Variants in PGRMC2 observed in about 807,000 individuals in gnomAD.
PGRMC2 encodes the protein progesterone receptor membrane component 2.
In PGRMC2, 9 loss-of-function variants were observed where a neutral mutation model predicts 19.3. The observed-to-expected ratio is 0.47, with a 90% CI of 0.28 to 0.81. The LOEUF is 0.81. Ranked by LOEUF, PGRMC2 falls within the 40% of genes least tolerant of loss-of-function variation. The pLI is 0.11. For synonymous variants in PGRMC2, 157 were observed against 124.6 expected, an observed-to-expected ratio of 1.26 and a Z score of -1.73; for missense variants, 289 against 297.3, an observed-to-expected ratio of 0.97 and a Z score of 0.21.
intron 1 of PGRMC2, among the ~76,000 whole-genome samples, chr4:128,283,646 A>C (rs1388512853): frequency 7.2e-6 from 1 of 139,382 alleles, no homozygotes; most frequent in Non-Finnish European, 1.5e-5. Context: ...GTATAACATA[A>C]AGCCATAAAA....
rs187998620 is a variant in PGRMC2, at chr4:128,271,829, G to A, written c.575-416C>T. Among the ~76,000 whole-genome samples the A allele has an allele frequency of 3.3e-5, 5 of 152,328 alleles. No individual in the cohort carries two copies. The East Asian group carries it at 7.7e-4, about 24-fold the overall frequency. ...CACAAGTGGTAAAAACTGATGTTAT[G>A]AGGGCATAAGAAAGGGGAAAGATAT... is the stretch of plus-strand genomic sequence containing the variant. On this transcript the variant is annotated intron_variant, in intron 2 of 2. Coordinates refer to ENST00000296425, the MANE Select transcript of PGRMC2 (RefSeq NM_006320.6).
intron 1 of PGRMC2, among the ~76,000 whole-genome samples, chr4:128,275,956 C>G (rs1760805566): frequency 1.3e-5 from 2 of 152,110 alleles, no homozygotes; most frequent in Admixed American, 6.5e-5. Flanking sequence ...GAACTCCTGG[C>G]CTCAAGCAAT....
At chr4:128,271,597 A>G (rs2110557427) in intron 2 of PGRMC2, among the ~76,000 whole-genome samples, 184 bp from the exon 3 acceptor site, 1 of 152,350 alleles carries the variant, frequency 6.6e-6, no homozygotes, top group Middle Eastern at 3.4e-3. Context: ...TGAACAAAAG[A>G]AAACAGGATT....
intron 1 of PGRMC2, among the ~76,000 whole-genome samples, chr4:128,285,463 G>A (rs1405158287): frequency 6.6e-6 from 1 of 152,170 alleles, no homozygotes; most frequent in African/African-American, 2.4e-5. Context: ...ACAAACGTTT[G>A]CCACTGGAGG....
chr4:128,286,179 T>C (rs1047427715), intron 1 of PGRMC2, among the ~76,000 whole-genome samples: 9 of 151,878 alleles, frequency 5.9e-5, no homozygotes, highest in African/African-American at 1.9e-4. Flanking sequence ...CCTATGACTT[T>C]AAGGCTTGGA....
intron 1 of PGRMC2, among the ~76,000 whole-genome samples, chr4:128,276,658 G>A (rs577146936): frequency 4.6e-5 from 7 of 152,030 alleles, no homozygotes; most frequent in African/African-American, 1.7e-4. Flanking sequence ...TACATGATCT[G>A]GTTATTTTTT....
intron 1 of PGRMC2, among the ~76,000 whole-genome samples, chr4:128,277,683 A>C (rs1760833529): frequency 6.6e-6 from 1 of 152,246 alleles, no homozygotes; most frequent in Non-Finnish European, 1.5e-5. Context: ...TAAGATTATA[A>C]TCAGCCTATC....
At chr4:128,278,203 AAT>A (rs1399323732) in intron 1 of PGRMC2, among the ~76,000 whole-genome samples, 14 of 152,236 alleles carry the variant, frequency 9.2e-5, no homozygotes, top group African/African-American at 3.4e-4. Flanking sequence ...TATGAACTCA[AAT>A]ATCTATAAGA....
rs772398997 is a variant in PGRMC2 at position 128,271,301 on chromosome 4, G to C, written c.*15C>G. The C allele has an allele frequency of 3.5e-5, 49 of 1,417,802 alleles. 1 individual carries two copies. The Admixed American group carries it at 8.4e-4, about 24-fold the overall frequency. 87.8% of individuals were successfully genotyped at this position (1,417,802 alleles called of 1,614,324 possible). A position where few individuals can be genotyped will look rare whatever the true frequency, so the allele number is the denominator to read the frequency against. Reference sequence around the variant, plus strand: ...TGCAGTTCTGAAGGCCCCTGACTTTGGTTGTTTACAAAGTTCAATCCTGTT... The same window carrying C: ...TGCAGTTCTGAAGGCCCCTGACTTTCGTTGTTTACAAAGTTCAATCCTGTT... On this transcript the variant is annotated 3_prime_UTR_variant, in exon 3 of 3. Transcript: ENST00000296425.
At chr4:128,283,013 A>G (rs960987118) in intron 1 of PGRMC2, among the ~76,000 whole-genome samples, 1 of 152,248 alleles carries the variant, frequency 6.6e-6, no homozygotes, top group Non-Finnish European at 1.5e-5. Flanking sequence ...TCCACCTGGA[A>G]TAAGGGAGCA....
intron 1 of PGRMC2, among the ~76,000 whole-genome samples, chr4:128,283,255 G>GA (rs1372435970): frequency 6.6e-6 from 1 of 152,222 alleles, no homozygotes; most frequent in East Asian, 1.9e-4. Context: ...TTGAAGCTAT[G>GA]AAAATCTGGA....
chr4:128,284,971 T>TC (rs1760961778), intron 1 of PGRMC2, among the ~76,000 whole-genome samples: 2 of 152,216 alleles, frequency 1.3e-5, no homozygotes, highest in South Asian at 4.1e-4. Context: ...ATGTTGTTGA[T>TC]CAACTGTAGA....
chr4:128,274,517 A>AG (rs199743493), intron 1 of PGRMC2, among the ~76,000 whole-genome samples: 3 of 109,122 alleles, frequency 2.7e-5, no homozygotes, highest in African/African-American at 4.1e-5. Flanking sequence ...TCTCCAAAGA[A>AG]AAAAAAAAAA....
chr4:128,269,782 A>T lies in PGRMC2; in HGVS notation c.*1534T>A, dbSNP rs936182657. The T allele has an allele frequency of 6.6e-6, 1 of 152,192 alleles. No homozygotes were observed. Among genetic ancestry groups the T allele is most frequent in the African/African-American group, 2.4e-5 (1 of 41,446 alleles). 9.4% of individuals were successfully genotyped at this position (152,192 alleles called of 1,614,324 possible). ...TTTTAGTAAGGGCTTTTTCAACCTAATAAAATAATAATTTAGTATCTATCA... is the reference window on the plus strand; with the variant it reads ...TTTTAGTAAGGGCTTTTTCAACCTATTAAAATAATAATTTAGTATCTATCA... On this transcript the variant is annotated 3_prime_UTR_variant, in exon 3 of 3. Coordinates refer to ENST00000296425, the MANE Select transcript of PGRMC2 (RefSeq NM_006320.6).
At chr4:128,280,999 C>T (rs1434393344) in intron 1 of PGRMC2, among the ~76,000 whole-genome samples, 1 of 151,956 alleles carries the variant, frequency 6.6e-6, no homozygotes, top group Non-Finnish European at 1.5e-5. Flanking sequence ...ACACACCTCA[C>T]TAAAATAAAA....
At chr4:128,285,303 A>G (rs1760967692) in intron 1 of PGRMC2, among the ~76,000 whole-genome samples, 1 of 151,904 alleles carries the variant, frequency 6.6e-6, no homozygotes, top group African/African-American at 2.4e-5. Flanking sequence ...ATTTTCTTGT[A>G]TTTTTAGTAG....
chr4:128,285,551 G>C (rs1760971251), intron 1 of PGRMC2, among the ~76,000 whole-genome samples: 1 of 152,164 alleles, frequency 6.6e-6, no homozygotes, highest in South Asian at 2.1e-4. Flanking sequence ...GGACTAATAC[G>C]ATTCTTTGTA....
rs1370054588 is a variant in PGRMC2, at chr4:128,270,720, A to G, written c.*596T>C. 1 of 152,258 alleles carries G rather than the reference A, an allele frequency of 6.6e-6. No homozygotes were observed. The highest frequency in any genetic ancestry group is 1.5e-5 in the Non-Finnish European group (1 of 68,026). The allele number at this position is 152,258 out of a possible 1,614,324, so 9.4% of individuals were successfully genotyped here. On this transcript the variant is annotated 3_prime_UTR_variant, in exon 3 of 3. Transcript: ENST00000296425. ...AAACCCACCTGAAATTCCTTCTCCTAATTTCCAAAGATTTCTTTATAAAGA... is the reference window on the plus strand; with the variant it reads ...AAACCCACCTGAAATTCCTTCTCCTGATTTCCAAAGATTTCTTTATAAAGA...
At chr4:128,281,713 T>A (rs1474737315) in intron 1 of PGRMC2, among the ~76,000 whole-genome samples, 1 of 152,140 alleles carries the variant, frequency 6.6e-6, no homozygotes, top group Non-Finnish European at 1.5e-5. Context: ...CAACACAGAT[T>A]GACTAAAAGG....
Sources: gnomAD v4.1 joint callset for allele counts (sites outside exome capture counted in the v4.1 genomes callset) on GRCh38, gnomAD v4.1.1 for gene constraint, MANE v1.5 for transcripts, NCBI Gene and HGNC (gene_info 2026-07-23, HGNC 2026-07-21) for gene names.